The following MYPOP variants were observed in gnomAD, a reference collection of about 807,000 sequenced individuals.
MYPOP encodes the protein Myb related transcription factor, partner of profilin.
In MYPOP, 21 loss-of-function variants were observed where a neutral mutation model predicts 25.7. That is an observed-to-expected ratio of 0.82 (90% CI 0.58 to 1.18). The LOEUF (loss-of-function observed/expected upper bound fraction) is 1.18, where lower values mean the gene tolerates loss of function less well. MYPOP is among the 50% of genes most tolerant of loss of function. The probability of loss-of-function intolerance (pLI) is 0.00; values close to 1 mark genes in which losing one functional copy is unlikely to be tolerated. For synonymous variants in MYPOP, 280 were observed against 247.9 expected, an observed-to-expected ratio of 1.13 and a Z score of -1.22; for missense variants, 566 against 588.3, an observed-to-expected ratio of 0.96 and a Z score of 0.39.
At position 45,891,078 on chromosome 19, in the gene MYPOP, G is replaced by A. The variant is rs1967115456; in HGVS notation, c.745C>T (p.Pro249Ser). 1 of 1,293,996 alleles carries A rather than the reference G, an allele frequency of 7.7e-7. No individual in the cohort carries two copies. The highest frequency in any genetic ancestry group is 1.1e-6 in the Non-Finnish European group (1 of 949,418). 80.2% of individuals were successfully genotyped at this position (1,293,996 alleles called of 1,614,324 possible). The change falls in exon 3 of 3, where the codon CCT becomes TCT. Residue 249 changes from proline (P) to serine (S), a missense_variant. By Grantham distance (74) the Pro-to-Ser change is moderately conservative. Coordinates refer to ENST00000322217, the MANE Select transcript of MYPOP (RefSeq NM_001012643.4). Reference sequence around the variant, plus strand: ...TCTGAGGCCGAGAGCGTGGGTGGAGGCCGAGGAGGGGGTGGGGGGCTAGGG... The same window carrying A: ...TCTGAGGCCGAGAGCGTGGGTGGAGACCGAGGAGGGGGTGGGGGGCTAGGG... ...SPPSPPPPPR[P>S]PPTLSASDPS...
At chr19:45,899,234 C>T (rs868554370) in intron 2 of MYPOP, among the ~76,000 whole-genome samples, 1 of 151,922 alleles carries the variant, frequency 6.6e-6, no homozygotes, top group Admixed American at 6.6e-5. Flanking sequence ...CTCAAACAAA[C>T]AAACAAACAA....
chr19:45,897,877 A>G (rs916450533), intron 2 of MYPOP, among the ~76,000 whole-genome samples: 9 of 148,568 alleles, frequency 6.1e-5, no homozygotes, highest in Middle Eastern at 3.7e-3. Context: ...AGTTAAAATC[A>G]TATTTATTTG....
Position 45,899,225 on chromosome 19 carries a change from TCAAA to T in MYPOP, c.499+2046_499+2049del, listed in dbSNP as rs942184058. On this transcript the variant is annotated intron_variant, in intron 2 of 2. Transcript: ENST00000322217. ...TGGGCAATAAGAGCAAAACTCAGTC[TCAAA>T]CAAACAAACAAACAAGCAAACAAAA... Among the ~76,000 whole-genome samples the T allele has an allele frequency of 1.3e-3, 204 of 152,174 alleles. 1 individual carries two copies. Among genetic ancestry groups the T allele is most frequent in the African/African-American group, 4.4e-3 (184 of 41,522 alleles).
At chr19:45,891,598 G>A (rs777145418) in intron 2 of MYPOP, among the ~76,000 whole-genome samples, 19 of 152,050 alleles carry the variant, frequency 1.2e-4, no homozygotes, top group Non-Finnish European at 1.9e-4. Context: ...CACCACACCC[G>A]GCTACTTTTT....
At chr19:45,895,353 C>G (rs1251466349) in intron 2 of MYPOP, among the ~76,000 whole-genome samples, 1 of 152,144 alleles carries the variant, frequency 6.6e-6, no homozygotes, top group African/African-American at 2.4e-5. Flanking sequence ...TCAAGCGATT[C>G]TCTCACCTCA....
rs772947522 is a variant in MYPOP, at chr19:45,901,311, C to A, written c.463G>T (p.Val155Leu). 2.7e-6 allele frequency: 4 copies of A among 1,459,742 alleles called. No individual in the cohort carries two copies. The highest frequency in any genetic ancestry group is 3.6e-6 in the Non-Finnish European group (4 of 1,107,350). 90.4% of individuals were successfully genotyped at this position (1,459,742 alleles called of 1,614,324 possible). A position where few individuals can be genotyped will look rare whatever the true frequency, so the allele number is the denominator to read the frequency against. Residue 155 changes from valine (V) to leucine (L), a missense_variant, in exon 2 of 3, where the codon GTG becomes TTG. By Grantham distance (32) the Val-to-Leu change is conservative (BLOSUM62 1). Transcript: ENST00000322217. The surrounding 1 kb of genome is among the most constrained non-coding windows in gnomAD (Gnocchi z 5.7). Reference protein sequence around the residue: ...PPPSACPQRYVLSEDRREDRR... With the variant: ...PPPSACPQRYLLSEDRREDRR... ...TCCTCCCGGCGGTCTTCCGACAACACGTAGCGCTGAGGGCAGGCGCTTGGG... is the reference window on the plus strand; with the variant it reads ...TCCTCCCGGCGGTCTTCCGACAACAAGTAGCGCTGAGGGCAGGCGCTTGGG...
At chr19:45,891,811 A>G in intron 2 of MYPOP, among the ~76,000 whole-genome samples, 1 of 152,038 alleles carries the variant, frequency 6.6e-6, no homozygotes, top group East Asian at 1.9e-4. Flanking sequence ...CAGTCTTTGT[A>G]CCCGGAGGAG....
At chr19:45,896,210 G>A (rs1330463234) in intron 2 of MYPOP, among the ~76,000 whole-genome samples, 1 of 152,152 alleles carries the variant, frequency 6.6e-6, no homozygotes, top group Non-Finnish European at 1.5e-5. Context: ...AGAATCGCTT[G>A]AACCCTGGAG....
At chr19:45,899,704 G>T (rs1391949477) in intron 2 of MYPOP, among the ~76,000 whole-genome samples, 1 of 152,138 alleles carries the variant, frequency 6.6e-6, no homozygotes, top group Non-Finnish European at 1.5e-5. Flanking sequence ...CCTGGGCATG[G>T]TGGCAGGCAC....
chr19:45,894,113 AT>A (rs1300616670), intron 2 of MYPOP, among the ~76,000 whole-genome samples: 2 of 137,326 alleles, frequency 1.5e-5, no homozygotes, highest in Non-Finnish European at 3.2e-5. Flanking sequence ...TTTAATTTTT[AT>A]TTATTTTTTA....
In MYPOP at chr19:45,890,785, G is replaced by A. The variant is rs1367174225; in HGVS notation, c.1038C>T (p.Asp346=). ...CTCCCCTGGCTGCCACCACTGCCCC[G>A]TCCACCACAGCAGCCACCACGGACA... is the stretch of plus-strand genomic sequence containing the variant. ...EPVSVVAAVV[D]GAVVAARGVI... is the part of the protein sequence containing the mutation. Residue 346 remains aspartate (D), a synonymous_variant, in exon 3 of 3, where the codon GAC becomes GAT. Coordinates refer to ENST00000322217, the MANE Select transcript of MYPOP (RefSeq NM_001012643.4). 1.0e-5 allele frequency: 15 copies of A among 1,506,838 alleles called. No individual in the cohort carries two copies. The highest frequency in any genetic ancestry group is 2.6e-5 in the South Asian group (2 of 77,716). The allele number at this position is 1,506,838 out of a possible 1,614,324, so 93.3% of individuals were successfully genotyped here.
chr19:45,894,859 T>C (rs557885332), intron 2 of MYPOP, among the ~76,000 whole-genome samples: 2 of 150,548 alleles, frequency 1.3e-5, no homozygotes, highest in East Asian at 2.0e-4. Flanking sequence ...GCTGGGACTA[T>C]AGGTGCACAC....
rs2146383503 is a variant in MYPOP, at chr19:45,901,637, C to T, written c.137G>A (p.Arg46Gln). 6.2e-7 allele frequency: 1 copy of T among 1,610,614 alleles called. No homozygotes were observed. The highest frequency in any genetic ancestry group is 2.2e-5 in the East Asian group (1 of 44,812). ...GCGCCGCCGCTCTGCCACGCTCACC[C>T]GACGGCTCTGCGCGCCGTAGAGCTG... is the stretch of plus-strand genomic sequence containing the variant. ...YPQLYGAQSRRVSVAERRRVW... is the reference protein window; with the variant it reads ...YPQLYGAQSRQVSVAERRRVW... Residue 46 changes from arginine (R) to glutamine (Q), a missense_variant, in exon 2 of 3, where the codon CGG (arginine) becomes CAG (glutamine). By Grantham distance (43) the Arg-to-Gln change is conservative. Transcript: ENST00000322217. The surrounding 1 kb of genome is among the most constrained non-coding windows in gnomAD (Gnocchi z 5.7).
chr19:45,897,927 T>A (rs1333620203), intron 2 of MYPOP, among the ~76,000 whole-genome samples: 1 of 139,876 alleles, frequency 7.1e-6, no homozygotes, highest in Non-Finnish European at 1.6e-5. Flanking sequence ...TTTTCTTTTC[T>A]TTTTTTTTTT....
At chr19:45,895,063 C>T (rs1600567629) in intron 2 of MYPOP, among the ~76,000 whole-genome samples, 1 of 152,088 alleles carries the variant, frequency 6.6e-6, no homozygotes, top group Non-Finnish European at 1.5e-5. Context: ...GATATTGTTT[C>T]TATGCTCAAA....
Position 45,891,073 on chromosome 19 carries a change from T to G in MYPOP, c.750A>C (p.Pro250=). ...PPSPPPPPRP[P]PTLSASDPSL... ...AGGGGTCTGAGGCCGAGAGCGTGGG[T>G]GGAGGCCGAGGAGGGGGTGGGGGGC... The change falls in exon 3 of 3, where the codon CCA becomes CCC. Residue 250 remains proline, a synonymous_variant. Coordinates refer to ENST00000322217, the MANE Select transcript of MYPOP (RefSeq NM_001012643.4). 3.4e-6 allele frequency: 2 copies of G among 594,214 alleles called. No individual in the cohort carries two copies. Among genetic ancestry groups the G allele is most frequent in the South Asian group, 2.1e-5 (1 of 47,592 alleles). The allele number at this position is 594,214 out of a possible 1,614,324, so 36.8% of individuals were successfully genotyped here.
chr19:45,901,393 C>G lies in MYPOP; in HGVS notation c.381G>C (p.Pro127=). The G allele has an allele frequency of 6.6e-7, 1 of 1,518,584 alleles. No homozygotes were observed. Among genetic ancestry groups the G allele is most frequent in the Non-Finnish European group, 8.8e-7 (1 of 1,133,250 alleles). The allele number at this position is 1,518,584 out of a possible 1,614,324, so 94.1% of individuals were successfully genotyped here. ...GCTCCTCCGCCCCAGCACCTGCCCC[C>G]GGCGCCGCCACACCTGGCCCCAGGA... ...FAILGPGVAA[P]GAGAGAEEPP... is the part of the protein sequence containing the mutation. The change falls in exon 2 of 3, where the codon CCG becomes CCC. Residue 127 remains proline, a synonymous_variant. Coordinates refer to ENST00000322217, the MANE Select transcript of MYPOP (RefSeq NM_001012643.4). This position sits in a 1 kb window ranked among gnomAD's most constrained non-coding sequence, Gnocchi z 5.7.
intron 2 of MYPOP, among the ~76,000 whole-genome samples, chr19:45,896,618 CT>C (rs760658668): frequency 0.21 from 27,584 of 134,516 alleles, 2,423 homozygotes; most frequent in Non-Finnish European, 0.25. Flanking sequence ...AGAGTCCATT[CT>C]TTTTTTTTTT....
chr19:45,902,042 C>A (rs1445900474), intron 1 of MYPOP, among the ~76,000 whole-genome samples: 2 of 150,044 alleles, frequency 1.3e-5, no homozygotes, highest in Non-Finnish European at 3.0e-5. Context: ...CGAAGTGCCA[C>A]GCTGAAGAGT....
Sources: allele counts gnomAD v4.1 joint callset (sites outside exome capture counted in the v4.1 genomes callset), GRCh38; gene constraint gnomAD v4.1.1; non-coding constraint Gnocchi (gnomAD v3.1); transcripts MANE v1.5; gene names NCBI Gene and HGNC (gene_info 2026-07-23, HGNC 2026-07-21).